Variants in ANKRD29 observed in about 807,000 individuals in gnomAD.
The protein encoded by ANKRD29 is ankyrin repeat domain-containing protein 29.
A neutral mutation model predicts 38.0 loss-of-function variants in ANKRD29; 32 were observed. That is an observed-to-expected ratio of 0.84 (90% CI 0.64 to 1.13). The LOEUF (loss-of-function observed/expected upper bound fraction) is 1.13, where lower values mean the gene tolerates loss of function less well. Ranked by LOEUF, ANKRD29 falls within the 50% of genes most tolerant of loss-of-function variation. ANKRD29 has a pLI of 0.00. For missense variants in ANKRD29, 357 were observed against 377.9 expected (o/e 0.94, Z 0.46); for synonymous variants, 135 against 152.4 (o/e 0.89, Z 0.84).
intron 3 of ANKRD29, among the ~76,000 whole-genome samples, chr18:23,640,211 A>G (rs1344349389): frequency 6.6e-6 from 1 of 152,096 alleles, no homozygotes; most frequent in Non-Finnish European, 1.5e-5. Context: ...GCTGACAGCC[A>G]CCAGGGGCTG....
chr18:23,632,351 A>G (rs1411039544), intron 5 of ANKRD29, among the ~76,000 whole-genome samples: 3 of 151,750 alleles, frequency 2.0e-5, no homozygotes, highest in Non-Finnish European at 2.9e-5. Context: ...CCATATTTCA[A>G]TCGTTTTTAA....
At chr18:23,657,847 T>C (rs533674806) in intron 1 of ANKRD29, among the ~76,000 whole-genome samples, 5 of 152,340 alleles carry the variant, frequency 3.3e-5, no homozygotes, top group African/African-American at 4.8e-5. Context: ...CAAATTCATA[T>C]GCTGAAGCCC....
intron 2 of ANKRD29, chr18:23,647,104 T>C (rs908679861): frequency 1.3e-5 from 2 of 152,242 alleles, no homozygotes; most frequent in African/African-American, 2.4e-5. Context: ...TCATTAGGTA[T>C]AGGGTAATTA....
chr18:23,621,206 G>A (rs950592297), intron 6 of ANKRD29, among the ~76,000 whole-genome samples: 12 of 152,210 alleles, frequency 7.9e-5, no homozygotes, highest in African/African-American at 2.7e-4. Flanking sequence ...ATTACCCATC[G>A]GGGGAAGGGG....
intron 1 of ANKRD29, among the ~76,000 whole-genome samples, chr18:23,655,953 C>T (rs1280313077): frequency 1.3e-5 from 2 of 150,060 alleles, no homozygotes; most frequent in African/African-American, 4.9e-5. Context: ...ATTAGCCGGG[C>T]GTAGTGGTGG....
intron 1 of ANKRD29, among the ~76,000 whole-genome samples, chr18:23,658,907 C>T (rs2060319312): frequency 6.6e-6 from 1 of 152,134 alleles, no homozygotes. Context: ...TCAAGACTTC[C>T]TAGCTCCAGA....
At chr18:23,626,841 AC>A (rs904905302) in intron 6 of ANKRD29, among the ~76,000 whole-genome samples, 13 of 152,276 alleles carry the variant, frequency 8.5e-5, no homozygotes, top group African/African-American at 3.1e-4. Flanking sequence ...GTTACAGGAT[AC>A]CGTAATAAAA....
chr18:23,619,717 G>A (rs1415305642), intron 6 of ANKRD29, 88 bp from the exon 7 acceptor site: 6 of 1,174,992 alleles, frequency 5.1e-6, no homozygotes, highest in Non-Finnish European at 7.0e-6. Context: ...GGGTCTGAAA[G>A]CGAAAACTCC....
intron 5 of ANKRD29, among the ~76,000 whole-genome samples, chr18:23,631,718 G>C (rs1347602277): frequency 1.3e-5 from 2 of 152,162 alleles, no homozygotes; most frequent in African/African-American, 2.4e-5. Context: ...ATAAAGCCCA[G>C]AGCAAGTGCC....
intron 1 of ANKRD29, among the ~76,000 whole-genome samples, chr18:23,656,290 T>C (rs891470939): frequency 6.6e-6 from 1 of 152,066 alleles, no homozygotes; most frequent in South Asian, 2.1e-4. Context: ...CAAGCAGCCC[T>C]ACATACATTG....
At chr18:23,641,025 A>C (rs187688685) in intron 3 of ANKRD29, among the ~76,000 whole-genome samples, 1 of 152,142 alleles carries the variant, frequency 6.6e-6, no homozygotes, top group Non-Finnish European at 1.5e-5. Flanking sequence ...ACCCACTGAG[A>C]CAGGCAGGAT....
rs748458256 is a variant in ANKRD29, at chr18:23,650,859, T to C, written c.22-1666A>G. On this transcript the variant is annotated intron_variant, in intron 1 of 9. Coordinates refer to ENST00000592179, the MANE Select transcript of ANKRD29 (RefSeq NM_173505.4). ...AATAGGCAAAATTAAATCCAGAGTA[T>C]TGGTACTAATAAAGAATTTTGATGG... Among the ~76,000 whole-genome samples, 31 of 152,342 alleles carry C rather than the reference T, an allele frequency of 2.0e-4. 1 individual carries two copies. The highest frequency in any genetic ancestry group is 4.1e-4 in the Non-Finnish European group (28 of 68,034).
At chr18:23,609,492 C>G (rs534505992) in intron 9 of ANKRD29, among the ~76,000 whole-genome samples, 1 of 152,320 alleles carries the variant, frequency 6.6e-6, no homozygotes, top group South Asian at 2.1e-4. Context: ...GCGTGAATTA[C>G]TCTTTCTCCA....
chr18:23,628,981 T>A (rs1489502419), intron 6 of ANKRD29, among the ~76,000 whole-genome samples: 7 of 152,250 alleles, frequency 4.6e-5, no homozygotes, highest in Non-Finnish European at 1.0e-4. Context: ...TTCTTCTTTT[T>A]AAAAATCATT....
chr18:23,633,772 T>C (rs2059963776), intron 5 of ANKRD29, among the ~76,000 whole-genome samples: 1 of 152,098 alleles, frequency 6.6e-6, no homozygotes, highest in Non-Finnish European at 1.5e-5. Context: ...GGTTTCACCA[T>C]GTTGGCCAGG....
At chr18:23,642,098 C>T (rs2060085654) in intron 3 of ANKRD29, among the ~76,000 whole-genome samples, 1 of 152,150 alleles carries the variant, frequency 6.6e-6, no homozygotes, top group Non-Finnish European at 1.5e-5. Context: ...CTCAATGAAG[C>T]TCCTCTCCAC....
In ANKRD29 at chr18:23,601,326, T is replaced by C; in HGVS notation, c.823-17A>G. ...TTCATTGGCCTGAAAGAAGAGAAGA[T>C]GGGCATTAGTGAATCCCCATAGCTG... On this transcript the variant is annotated splice_polypyrimidine_tract_variant and intron_variant, in intron 9 of 9. Coordinates refer to ENST00000592179, the MANE Select transcript of ANKRD29 (RefSeq NM_173505.4). The C allele has an allele frequency of 1.2e-6, 2 of 1,610,112 alleles. No individual in the cohort carries two copies. The highest frequency in any genetic ancestry group is 1.7e-6 in the Non-Finnish European group (2 of 1,176,428).
chr18:23,636,047 C>T (rs931712068), intron 4 of ANKRD29, among the ~76,000 whole-genome samples: 1 of 152,148 alleles, frequency 6.6e-6, no homozygotes, highest in Non-Finnish European at 1.5e-5. Context: ...GTCAATTTTC[C>T]TAGCTAATAA....
At chr18:23,645,881 C>G (rs1329206103) in intron 3 of ANKRD29, among the ~76,000 whole-genome samples, 1 of 152,042 alleles carries the variant, frequency 6.6e-6, no homozygotes, top group Non-Finnish European at 1.5e-5. Flanking sequence ...TGCTATAAAT[C>G]CTACAGTATC....
Sources: allele counts gnomAD v4.1 joint callset (sites outside exome capture counted in the v4.1 genomes callset), GRCh38; gene constraint gnomAD v4.1.1; transcripts MANE v1.5; gene names NCBI Gene and HGNC (gene_info 2026-07-23, HGNC 2026-07-21).